SUPT3H: variants seen among roughly 807,000 people sequenced by gnomAD.
The protein encoded by SUPT3H is transcription initiation protein SPT3 homolog.
SUPT3H carries 44 observed loss-of-function variants against 44.3 expected under a neutral mutation model. The observed-to-expected ratio is 0.99, with a 90% CI of 0.78 to 1.28. The LOEUF (loss-of-function observed/expected upper bound fraction) is 1.28. SUPT3H is among the 50% of genes most tolerant of loss of function. The pLI is 0.00. For synonymous variants in SUPT3H, 124 were observed against 125.6 expected (o/e 0.99, Z 0.09); for missense variants, 380 against 387.1 (o/e 0.98, Z 0.15).
chr6:45,047,957 C>T (rs1789666535), intron 3 of SUPT3H, among the ~76,000 whole-genome samples: 1 of 151,602 alleles, frequency 6.6e-6, no homozygotes, highest in Admixed American at 6.6e-5. Context: ...AATATCAAAT[C>T]TTTATTCCAT....
chr6:44,852,024 A>G (rs1252444603), intron 10 of SUPT3H, among the ~76,000 whole-genome samples: 5 of 152,216 alleles, frequency 3.3e-5, no homozygotes, highest in African/African-American at 1.2e-4. Flanking sequence ...ATGAAATGGA[A>G]AATCCATCAT....
chr6:44,904,543 C>T (rs1440312609), intron 10 of SUPT3H, among the ~76,000 whole-genome samples: 11 of 152,242 alleles, frequency 7.2e-5, no homozygotes, highest in East Asian at 3.9e-4. Context: ...TGGAAGAACA[C>T]TCCATGCTCA....
chr6:45,006,359 G>A (rs1434469312), intron 5 of SUPT3H, among the ~76,000 whole-genome samples: 2 of 151,664 alleles, frequency 1.3e-5, no homozygotes, highest in Non-Finnish European at 2.9e-5. Flanking sequence ...TCATATTCTT[G>A]TTTTTTCCTT....
At chr6:45,128,579 C>CAT (rs1562514609) in intron 2 of SUPT3H, among the ~76,000 whole-genome samples, 8 of 120,260 alleles carry the variant, frequency 6.7e-5, no homozygotes, top group South Asian at 2.7e-4. Flanking sequence ...CACACACACA[C>CAT]ACACATACAC....
intron 10 of SUPT3H, among the ~76,000 whole-genome samples, chr6:44,914,643 T>A (rs3799981): frequency 0.46 from 69,237 of 151,982 alleles, 16,262 homozygotes; most frequent in Admixed American, 0.55. Flanking sequence ...ATAAGGCACA[T>A]TAAGTTTGAG....
At chr6:45,158,610 G>GGATACCA (rs386406922) in intron 2 of SUPT3H, among the ~76,000 whole-genome samples, 1 of 28,340 alleles carries the variant, frequency 3.5e-5, no homozygotes, top group South Asian at 1.1e-3. Flanking sequence ...GATGACTTGG[G>GGATACCA]GATACCTTTG....
chr6:45,237,601 G>A (rs993183623), intron 2 of SUPT3H, among the ~76,000 whole-genome samples: 19 of 152,134 alleles, frequency 1.2e-4, no homozygotes, highest in Admixed American at 2.6e-4. Flanking sequence ...TTCCCGCCAA[G>A]GTTTAGGTTA....
At chr6:45,129,264 T>C (rs375862930) in intron 2 of SUPT3H, among the ~76,000 whole-genome samples, 5 of 152,358 alleles carry the variant, frequency 3.3e-5, no homozygotes, top group Admixed American at 1.3e-4. Flanking sequence ...AAAAGTGCTA[T>C]GTAAAAGACA....
At chr6:45,026,096 C>A (rs1372890510) in intron 3 of SUPT3H, among the ~76,000 whole-genome samples, 1 of 152,102 alleles carries the variant, frequency 6.6e-6, no homozygotes, top group African/African-American at 2.4e-5. Flanking sequence ...AAGGTTATCG[C>A]CTGGCTTAAA....
At chr6:45,172,245 G>A (rs1810933958) in intron 2 of SUPT3H, among the ~76,000 whole-genome samples, 2 of 151,420 alleles carry the variant, frequency 1.3e-5, no homozygotes, top group Admixed American at 1.3e-4. Context: ...GCTAATTTTT[G>A]TACTTTTAGT....
intron 2 of SUPT3H, among the ~76,000 whole-genome samples, chr6:45,198,547 A>C (rs1334171420): frequency 6.6e-6 from 1 of 151,386 alleles, no homozygotes; most frequent in Non-Finnish European, 1.5e-5. Context: ...TGAAATTTTC[A>C]CTTGTGAAAA....
chr6:45,129,557 C>A (rs1803089043), intron 2 of SUPT3H, among the ~76,000 whole-genome samples: 1 of 152,082 alleles, frequency 6.6e-6, no homozygotes, highest in African/African-American at 2.4e-5. Flanking sequence ...TCCTAGATAC[C>A]CGTATGAACT....
At chr6:45,189,243 T>G (rs529023582) in intron 2 of SUPT3H, among the ~76,000 whole-genome samples, 3 of 152,334 alleles carry the variant, frequency 2.0e-5, no homozygotes, top group African/African-American at 7.2e-5. Context: ...AAATAAAATG[T>G]TTCAGATAAT....
At chr6:44,915,013 A>G (rs1767601141) in intron 10 of SUPT3H, among the ~76,000 whole-genome samples, 1 of 152,200 alleles carries the variant, frequency 6.6e-6, no homozygotes, top group African/African-American at 2.4e-5. Context: ...CTGTATCACC[A>G]GGAATTCCCT....
chr6:45,294,443 T>A (rs1395680393), intron 2 of SUPT3H, among the ~76,000 whole-genome samples: 1 of 152,230 alleles, frequency 6.6e-6, no homozygotes, highest in Middle Eastern at 3.4e-3. Flanking sequence ...TAGCTTTCAC[T>A]ACTCCCCTTC....
intron 2 of SUPT3H, among the ~76,000 whole-genome samples, chr6:45,116,971 A>G (rs774260088): frequency 5.3e-5 from 8 of 152,052 alleles, no homozygotes; most frequent in Non-Finnish European, 1.2e-4. Context: ...AAGACTTCCT[A>G]TTTCTTATCA....
At chr6:44,833,963 C>T (rs604040) in intron 10 of SUPT3H, among the ~76,000 whole-genome samples, 3,352 of 152,268 alleles carry the variant, frequency 0.022, 41 homozygotes, top group Non-Finnish European at 0.033. Flanking sequence ...ATCATCTTCA[C>T]TTTGGAGGCT....
chr6:44,988,504 T>C (rs1187446890), intron 6 of SUPT3H, among the ~76,000 whole-genome samples: 1 of 117,608 alleles, frequency 8.5e-6, no homozygotes, highest in Non-Finnish European at 1.7e-5. Flanking sequence ...ACAGACTATG[T>C]ATGAAAGGCT....
chr6:45,240,204 T>C (rs1770027533), intron 2 of SUPT3H, among the ~76,000 whole-genome samples: 1 of 152,116 alleles, frequency 6.6e-6, no homozygotes. Context: ...ACCCCCCAGT[T>C]GCAGCCATGT....
Sources: allele counts gnomAD v4.1 joint callset (sites outside exome capture counted in the v4.1 genomes callset), GRCh38; gene constraint gnomAD v4.1.1; transcripts MANE v1.5; gene names NCBI Gene and HGNC (gene_info 2026-07-23, HGNC 2026-07-21).